PAM: variants seen among roughly 807,000 people sequenced by gnomAD.
PAM encodes the protein peptidylglycine alpha-amidating monooxygenase.
In PAM, 72 loss-of-function variants were observed where a neutral mutation model predicts 122.1. That is an observed-to-expected ratio of 0.59 (90% confidence interval 0.49 to 0.72). PAM has a LOEUF of 0.72. Ranked by LOEUF, PAM falls within the 30% of genes least tolerant of loss-of-function variation. PAM has a pLI of 0.00. For synonymous variants in PAM, 389 were observed against 404.4 expected, an observed-to-expected ratio of 0.96 and a Z score of 0.46; for missense variants, 1,106 against 1,183.7, an observed-to-expected ratio of 0.93 and a Z score of 0.96.
Position 102,926,566 on chromosome 5 carries a change from CT to C in PAM, c.443-13del, listed in dbSNP as rs747419073. 1.5e-5 allele frequency: 22 copies of C among 1,460,784 alleles called. No individual in the cohort carries two copies. The highest frequency in any genetic ancestry group is 2.3e-5 in the South Asian group (2 of 87,116). The allele number at this position is 1,460,784 out of a possible 1,614,324, so 90.5% of individuals were successfully genotyped here. A position where few individuals can be genotyped will look rare whatever the true frequency, so the allele number is the denominator to read the frequency against. On this transcript the variant is annotated intron_variant, in intron 6 of 25. Transcript: ENST00000438793. The stretch of plus-strand genomic sequence containing the variant: ...TAGATGCTCATTTCTAATATATTAA[CT>C]TTTTTGTAAATCTTTAGGTGTTGGA...
intron 7 of PAM, among the ~76,000 whole-genome samples, chr5:102,934,181 C>T (rs1382925824): frequency 6.6e-6 from 1 of 152,160 alleles, no homozygotes; most frequent in Non-Finnish European, 1.5e-5. Context: ...ACTGCTCCTC[C>T]AACCTCAGCT....
chr5:102,986,056 A>G (rs952042988), intron 15 of PAM, among the ~76,000 whole-genome samples: 1 of 152,184 alleles, frequency 6.6e-6, no homozygotes, highest in Admixed American at 6.5e-5. Flanking sequence ...AAAAACTCTC[A>G]ATAAATTAGG....
chr5:102,900,066 G>C (rs1797258203), intron 3 of PAM, among the ~76,000 whole-genome samples: 1 of 151,558 alleles, frequency 6.6e-6, no homozygotes, highest in Non-Finnish European at 1.5e-5. Context: ...AGGATTTACA[G>C]TTGCAAGCTT....
intron 1 of PAM, among the ~76,000 whole-genome samples, chr5:102,831,330 C>T (rs936023118): frequency 6.6e-6 from 1 of 151,952 alleles, no homozygotes; most frequent in Non-Finnish European, 1.5e-5. Flanking sequence ...AAATATCATC[C>T]TTATTATTCA....
chr5:102,854,988 A>G (rs1782250763), intron 1 of PAM, among the ~76,000 whole-genome samples: 1 of 152,240 alleles, frequency 6.6e-6, no homozygotes, highest in Non-Finnish European at 1.5e-5. Flanking sequence ...GGTGAATTGC[A>G]TATTTAAAAA....
intron 1 of PAM, among the ~76,000 whole-genome samples, chr5:102,778,345 G>T (rs985890243): frequency 6.6e-6 from 1 of 152,020 alleles, no homozygotes; most frequent in African/African-American, 2.4e-5. Context: ...CTTTAAAATT[G>T]CCCAGAGCAT....
At chr5:102,955,898 A>G (rs755593568) in intron 12 of PAM, among the ~76,000 whole-genome samples, 1 of 152,000 alleles carries the variant, frequency 6.6e-6, no homozygotes, top group East Asian at 1.9e-4. Context: ...TTTTTGAATG[A>G]AAGGTGAATG....
At chr5:102,854,353 C>T (rs1782080070) in intron 1 of PAM, among the ~76,000 whole-genome samples, 1 of 152,160 alleles carries the variant, frequency 6.6e-6, no homozygotes, top group Non-Finnish European at 1.5e-5. Flanking sequence ...CTTCTCTATA[C>T]TATACTGCCT....
chr5:103,011,566 C>A (rs1381241850), intron 21 of PAM, among the ~76,000 whole-genome samples: 2 of 152,162 alleles, frequency 1.3e-5, no homozygotes, highest in Non-Finnish European at 2.9e-5. Context: ...ATCTCCAGTT[C>A]CATCCATGTT....
chr5:102,919,713 T>C (rs1193885023), intron 5 of PAM, among the ~76,000 whole-genome samples: 1 of 152,142 alleles, frequency 6.6e-6, no homozygotes, highest in Non-Finnish European at 1.5e-5. Flanking sequence ...CACTTTAATA[T>C]TGTAATAGAT....
intron 1 of PAM, among the ~76,000 whole-genome samples, chr5:102,773,673 A>G (rs1756384442): frequency 6.6e-6 from 1 of 152,052 alleles, no homozygotes. Flanking sequence ...TAATACAGTA[A>G]AAAGGTTTCT....
chr5:102,977,656 G>GCACACACA (rs1491382158), intron 15 of PAM, among the ~76,000 whole-genome samples: 11 of 112,980 alleles, frequency 9.7e-5, no homozygotes, highest in South Asian at 3.0e-4. Context: ...ACATGCATGT[G>GCACACACA]CGCACACACA....
rs75590264 is a variant in PAM, at chr5:102,900,523, A to G, written c.211-833A>G. On this transcript the variant is annotated intron_variant, in intron 3 of 25. Coordinates refer to ENST00000438793, the MANE Select transcript of PAM (RefSeq NM_001177306.2). ...CAAAATTCACAATTTTTTGGTGCTA[A>G]TTGTTAGGTTTAGAAATGCCAAATG... Among the ~76,000 whole-genome samples, 1,221 of 151,650 alleles carry G rather than the reference A, an allele frequency of 8.1e-3. 22 individuals are homozygous for G. Among genetic ancestry groups the G allele is most frequent in the African/African-American group, 0.028 (1,141 of 41,452 alleles).
intron 1 of PAM, among the ~76,000 whole-genome samples, chr5:102,809,352 C>CAAAAAAAAAAAAAAAA (rs11302898): frequency 1.6e-5 from 2 of 126,242 alleles, no homozygotes; most frequent in Non-Finnish European, 3.4e-5. Context: ...CTGTCTCTAC[C>CAAAAAAAAAAAAAAAA]AAAAAAAAAA....
intron 1 of PAM, among the ~76,000 whole-genome samples, chr5:102,803,374 C>G (rs1765412051): frequency 6.6e-6 from 1 of 151,940 alleles, no homozygotes; most frequent in Non-Finnish European, 1.5e-5. Context: ...TCGTAAGTTG[C>G]CTGGAGAATG....
intron 7 of PAM, among the ~76,000 whole-genome samples, chr5:102,935,025 A>G (rs1752800994): frequency 6.6e-6 from 1 of 152,172 alleles, no homozygotes; most frequent in Non-Finnish European, 1.5e-5. Flanking sequence ...TCTCTTCTGA[A>G]CTTTATTTTT....
At chr5:102,778,872 T>C (rs563537654) in intron 1 of PAM, among the ~76,000 whole-genome samples, 2 of 152,308 alleles carry the variant, frequency 1.3e-5, no homozygotes, top group East Asian at 1.9e-4. Flanking sequence ...TTTGTGTTTT[T>C]GGAGGGAATA....
intron 4 of PAM, among the ~76,000 whole-genome samples, chr5:102,910,688 C>G (rs764730086): frequency 6.6e-5 from 10 of 151,770 alleles, no homozygotes; most frequent in Non-Finnish European, 1.0e-4. Flanking sequence ...TGTCACCATC[C>G]CAAGGCTGTC....
intron 3 of PAM, among the ~76,000 whole-genome samples, chr5:102,868,435 A>G (rs1561690515): frequency 2.0e-5 from 3 of 152,188 alleles, no homozygotes; most frequent in African/African-American, 4.8e-5. Context: ...ATAACTAACT[A>G]CCACTGTAAA....
Sources: allele counts gnomAD v4.1 joint callset (sites outside exome capture counted in the v4.1 genomes callset), GRCh38; gene constraint gnomAD v4.1.1; transcripts MANE v1.5; gene names NCBI Gene and HGNC (gene_info 2026-07-23, HGNC 2026-07-21).